SRRM4: variants seen among roughly 807,000 people sequenced by gnomAD.
SRRM4 encodes serine/arginine repetitive matrix protein 4.
A neutral mutation model predicts 68.9 loss-of-function variants in SRRM4; 33 were observed. The ratio of observed to expected loss-of-function variants is 0.48; its 90% confidence interval spans 0.36 to 0.64. The LOEUF (loss-of-function observed/expected upper bound fraction) is 0.64. Ranked by LOEUF, SRRM4 falls within the 30% of genes least tolerant of loss-of-function variation. SRRM4 has a pLI of 0.00. For missense variants in SRRM4, 817 were observed against 827.1 expected (o/e 0.99, Z 0.15); for synonymous variants, 318 against 318.8 (o/e 1.00, Z 0.03).
intron 1 of SRRM4, among the ~76,000 whole-genome samples, chr12:119,061,102 A>T (rs1592881879): frequency 6.6e-6 from 1 of 152,166 alleles, no homozygotes; most frequent in East Asian, 1.9e-4. Flanking sequence ...AGCATGTGTG[A>T]CAAGCCTGTG....
intron 12 of SRRM4, among the ~76,000 whole-genome samples, chr12:119,155,569 C>T (rs1042653071): frequency 2.0e-5 from 3 of 152,086 alleles, no homozygotes; most frequent in African/African-American, 7.2e-5. Context: ...CCTGTCTCTA[C>T]CAAAAATACA....
intron 1 of SRRM4, among the ~76,000 whole-genome samples, chr12:119,067,055 C>T (rs560623820): frequency 1.2e-4 from 18 of 152,266 alleles, no homozygotes; most frequent in Middle Eastern, 6.8e-3. Context: ...AGGCTCTGCC[C>T]TTCTAGTCTC....
At chr12:119,026,934 T>C (rs992361210) in intron 1 of SRRM4, among the ~76,000 whole-genome samples, 17 of 152,182 alleles carry the variant, frequency 1.1e-4, no homozygotes, top group African/African-American at 4.1e-4. Context: ...ATCATGGTAA[T>C]CCCATTCTCA....
chr12:119,086,311 T>G (rs1186272151), intron 1 of SRRM4, among the ~76,000 whole-genome samples: 4 of 152,174 alleles, frequency 2.6e-5, no homozygotes, highest in South Asian at 4.1e-4. Flanking sequence ...GCAGTTTCAT[T>G]GTGGCTGAGA....
chr12:119,099,699 C>G (rs1426301799), intron 1 of SRRM4, among the ~76,000 whole-genome samples: 1 of 152,212 alleles, frequency 6.6e-6, no homozygotes, highest in East Asian at 1.9e-4. Context: ...CATCATAAGG[C>G]TTGACTGGAG....
In SRRM4 at chr12:118,981,736, C is replaced by T; in HGVS notation, c.-147C>T. ...CCTGCCCGGGCTGGGGCGTCCCATCCCCCGCCCTGAACTCCGATCTCTCCC... is the reference window on the plus strand; with the variant it reads ...CCTGCCCGGGCTGGGGCGTCCCATCTCCCGCCCTGAACTCCGATCTCTCCC... On this transcript the variant is annotated 5_prime_UTR_variant, in exon 1 of 13. Transcript: ENST00000267260. 1 of 854,774 alleles carries T rather than the reference C, an allele frequency of 1.2e-6. No homozygotes were observed. The highest frequency in any genetic ancestry group is 1.7e-6 in the Non-Finnish European group (1 of 572,164). The allele number at this position is 854,774 out of a possible 1,614,324, so 52.9% of individuals were successfully genotyped here.
intron 6 of SRRM4, among the ~76,000 whole-genome samples, 187 bp downstream of exon 6, chr12:119,122,307 G>GC (rs1294334616): frequency 8.1e-5 from 9 of 111,728 alleles, no homozygotes; most frequent in Admixed American, 5.3e-4. Flanking sequence ...AGGAAGGAAG[G>GC]AAGGAAGGAA....
intron 1 of SRRM4, among the ~76,000 whole-genome samples, chr12:119,064,683 C>G (rs914998910): frequency 1.3e-5 from 2 of 152,168 alleles, no homozygotes; most frequent in East Asian, 3.9e-4. Flanking sequence ...AGGGGTTTGT[C>G]GGGATAAACT....
At chr12:119,085,027 A>G (rs76747803) in intron 1 of SRRM4, among the ~76,000 whole-genome samples, 1 of 152,210 alleles carries the variant, frequency 6.6e-6, no homozygotes, top group Non-Finnish European at 1.5e-5. Flanking sequence ...CAGCCTCCCG[A>G]GTAGCCGGGA....
chr12:119,110,559 G>A (rs151166705), intron 2 of SRRM4, among the ~76,000 whole-genome samples: 11,735 of 152,258 alleles, frequency 0.077, 505 homozygotes, highest in Admixed American at 0.1. Context: ...CTGCCGCCTT[G>A]CAGTTTGATC....
chr12:119,106,483 A>G (rs6490235), intron 2 of SRRM4, among the ~76,000 whole-genome samples: 106,300 of 150,686 alleles, frequency 0.71, 37,764 homozygotes, highest in African/African-American at 0.78. Context: ...CTTTTATTTC[A>G]TTGAGCAGTG....
chr12:119,137,482 A>G (rs1457028769), intron 8 of SRRM4, among the ~76,000 whole-genome samples: 1 of 152,116 alleles, frequency 6.6e-6, no homozygotes, highest in Non-Finnish European at 1.5e-5. Context: ...GTGAAACGCC[A>G]GGGAGCTGGA....
intron 7 of SRRM4, among the ~76,000 whole-genome samples, chr12:119,129,100 A>C (rs548015099): frequency 6.6e-6 from 1 of 152,308 alleles, no homozygotes; most frequent in South Asian, 2.1e-4. Flanking sequence ...TTGCTCTGCC[A>C]CTTTCAGGCT....
intron 8 of SRRM4, among the ~76,000 whole-genome samples, chr12:119,137,612 GA>G: frequency 6.6e-6 from 1 of 151,402 alleles, no homozygotes; most frequent in Non-Finnish European, 1.5e-5. Flanking sequence ...GAGAGAGAGA[GA>G]GAGAGAGAGA....
chr12:119,018,802 A>G (rs1953497140), intron 1 of SRRM4, among the ~76,000 whole-genome samples: 2 of 152,092 alleles, frequency 1.3e-5, no homozygotes, highest in Admixed American at 1.3e-4. Flanking sequence ...GTAAGTTAGA[A>G]ATTTTGTATC....
At chr12:119,029,358 A>C (rs1953571604) in intron 1 of SRRM4, among the ~76,000 whole-genome samples, 1 of 152,236 alleles carries the variant, frequency 6.6e-6, no homozygotes, top group Admixed American at 6.5e-5. Flanking sequence ...GCATGTGAGC[A>C]AACAGAGGAG....
chr12:119,082,476 C>T (rs1278970144), intron 1 of SRRM4, among the ~76,000 whole-genome samples: 4 of 152,206 alleles, frequency 2.6e-5, no homozygotes, highest in Admixed American at 2.6e-4. Flanking sequence ...CTCGTGATTT[C>T]CCCCCCTTCT....
intron 4 of SRRM4, among the ~76,000 whole-genome samples, chr12:119,119,209 A>G (rs1389135524): frequency 6.6e-6 from 1 of 152,108 alleles, no homozygotes; most frequent in Non-Finnish European, 1.5e-5. Context: ...GCAAACCAGC[A>G]CATCCTGCGT....
At chr12:119,000,470 C>A (rs190512719) in intron 1 of SRRM4, among the ~76,000 whole-genome samples, 92 of 152,234 alleles carry the variant, frequency 6.0e-4, no homozygotes, top group African/African-American at 2.0e-3. Context: ...TACATTTGAC[C>A]CCAGTGAACC....
Sources: allele counts gnomAD v4.1 joint callset (sites outside exome capture counted in the v4.1 genomes callset), GRCh38; gene constraint gnomAD v4.1.1; transcripts MANE v1.5; gene names NCBI Gene and HGNC (gene_info 2026-07-23, HGNC 2026-07-21).